The following PAFAH1B1 variants were observed in gnomAD, a reference collection of about 807,000 sequenced individuals.
PAFAH1B1 encodes platelet activating factor acetylhydrolase 1b regulatory subunit 1.
In PAFAH1B1, 2 loss-of-function variants were observed where a neutral mutation model predicts 57.5. The observed-to-expected ratio is 0.03, with a 90% confidence interval of 0.01 to 0.11. PAFAH1B1 has a LOEUF of 0.11. Ranked by LOEUF, PAFAH1B1 falls within the 10% of genes least tolerant of loss-of-function variation. PAFAH1B1 has a pLI of 1.00. For missense variants in PAFAH1B1, 257 were observed against 512.0 expected (o/e 0.50, Z 4.81); for synonymous variants, 152 against 169.6 (o/e 0.90, Z 0.81).
At chr17:2,643,909 C>A (rs1259858765) in intron 2 of PAFAH1B1, among the ~76,000 whole-genome samples, 1 of 152,112 alleles carries the variant, frequency 6.6e-6, no homozygotes, top group Non-Finnish European at 1.5e-5. Flanking sequence ...ACCCCTTTCG[C>A]CCAGGCTGGA....
chr17:2,666,774 C>T (rs2069111236), intron 4 of PAFAH1B1, among the ~76,000 whole-genome samples: 1 of 152,192 alleles, frequency 6.6e-6, no homozygotes, highest in East Asian at 1.9e-4. Flanking sequence ...GGCAATTGTA[C>T]TGAATTTTTC....
rs188848621 is a variant in PAFAH1B1, at chr17:2,622,669, C to T, written c.-190-15430C>T. Among the ~76,000 whole-genome samples, 373 of 152,268 alleles carry T rather than the reference C, an allele frequency of 2.4e-3. 1 individual carries two copies. Among genetic ancestry groups the T allele is most frequent in the African/African-American group, 7.9e-3 (330 of 41,552 alleles). ...TTTTCCAGGCGACAGTGCAAGCTGTCGGTGGATCTACCATTCTGGGGTCTG... is the reference window on the plus strand; with the variant it reads ...TTTTCCAGGCGACAGTGCAAGCTGTTGGTGGATCTACCATTCTGGGGTCTG... On this transcript the variant is annotated intron_variant, in intron 1 of 10. Coordinates refer to ENST00000397195, the MANE Select transcript of PAFAH1B1 (RefSeq NM_000430.4).
chr17:2,599,365 T>G (rs2068115381), intron 1 of PAFAH1B1, among the ~76,000 whole-genome samples: 6 of 152,222 alleles, frequency 3.9e-5, no homozygotes. Context: ...ATTGGACTCC[T>G]TAATCTTTGT....
chr17:2,640,375 C>CTTTTTTTTTTTTTTTTT (rs34267097), intron 2 of PAFAH1B1: 1 of 108,772 alleles, frequency 9.2e-6, no homozygotes. Context: ...CAGCTTTTGT[C>CTTTTTTTTTTTTTTTTT]TTTTTTTTTT....
At chr17:2,680,082 G>A (rs2151673720) in intron 9 of PAFAH1B1, 82 bp from the exon 10 acceptor site, 1 of 1,221,056 alleles carries the variant, frequency 8.2e-7, no homozygotes, top group Admixed American at 1.7e-5. Context: ...TTTTTGGTAT[G>A]TATAGTTTTA....
chr17:2,679,278 G>C (rs564353806), intron 9 of PAFAH1B1, among the ~76,000 whole-genome samples: 2 of 152,350 alleles, frequency 1.3e-5, no homozygotes, highest in East Asian at 3.9e-4. Flanking sequence ...CTCTGGGCAT[G>C]TCCTTAAAGA....
At chr17:2,596,908 A>T (rs2068089052) in intron 1 of PAFAH1B1, among the ~76,000 whole-genome samples, 1 of 152,108 alleles carries the variant, frequency 6.6e-6, no homozygotes, top group South Asian at 2.1e-4. Flanking sequence ...AAAATACAAA[A>T]AAATTAGCCA....
chr17:2,595,593 A>G (rs1431568179), intron 1 of PAFAH1B1, among the ~76,000 whole-genome samples: 4 of 152,130 alleles, frequency 2.6e-5, no homozygotes, highest in South Asian at 4.1e-4. Flanking sequence ...TTAATCTCTA[A>G]TGGGTGTCTT....
intron 1 of PAFAH1B1, among the ~76,000 whole-genome samples, chr17:2,615,611 T>C (rs2068329615): frequency 6.6e-6 from 1 of 151,990 alleles, no homozygotes; most frequent in African/African-American, 2.4e-5. Flanking sequence ...TGGCTAATTT[T>C]TCTATTTTTA....
intron 1 of PAFAH1B1, chr17:2,613,452 G>T: frequency 4.1e-6 from 1 of 241,192 alleles, no homozygotes; most frequent in African/African-American, 2.3e-5. Flanking sequence ...TCTGGGGCCC[G>T]CAGTGTTGGT....
rs1384816702 is a variant in PAFAH1B1 at position 2,667,180 on chromosome 17, A to G, written c.381A>G (p.Ser127=). 6.2e-7 allele frequency: 1 copy of G among 1,613,366 alleles called. No homozygotes were observed. The highest frequency in any genetic ancestry group is 8.5e-7 in the Non-Finnish European group (1 of 1,179,318). The change falls in exon 5 of 11, where the codon TCA becomes TCG. Residue 127 remains serine (S), a synonymous_variant. Coordinates refer to ENST00000397195, the MANE Select transcript of PAFAH1B1 (RefSeq NM_000430.4). ...TGTTCAGTGTTATGGTCTCTGCTTC[A>G]GAGGATGCTACAATTAAGGTAATTT... ...HPVFSVMVSA[S]EDATIKVWDY... is the part of the protein sequence containing the mutation.
chr17:2,616,024 C>T (rs748577445), intron 1 of PAFAH1B1, among the ~76,000 whole-genome samples: 57 of 152,222 alleles, frequency 3.7e-4, no homozygotes, highest in Middle Eastern at 6.8e-3. Flanking sequence ...AAGAAAGCAA[C>T]GACGAAACAA....
intron 1 of PAFAH1B1, among the ~76,000 whole-genome samples, chr17:2,628,573 G>A (rs764553082): frequency 3.3e-5 from 5 of 151,954 alleles, no homozygotes; most frequent in African/African-American, 4.8e-5. Flanking sequence ...TCCTTTCCTG[G>A]TTTTGGTATT....
Position 2,621,605 on chromosome 17 carries a change from GTCTTTT to G in PAFAH1B1, c.-190-16492_-190-16487del, listed in dbSNP as rs1182744672. Among the ~76,000 whole-genome samples, 232 of 93,192 alleles carry G rather than the reference GTCTTTT, an allele frequency of 2.5e-3. 49 individuals carry two copies. The highest frequency in any genetic ancestry group is 3.6e-3 in the African/African-American group (77 of 21,340). The allele number at this position is 93,192 out of a possible 152,430, so 61.1% of individuals were successfully genotyped here. Reference sequence around the variant, plus strand: ...GCTATTCAAGCATGGTAGATAATCTGTCTTTTTTTTTTTTTTTTTTTTTTTTTTTTT... The same window carrying G: ...GCTATTCAAGCATGGTAGATAATCTGTTTTTTTTTTTTTTTTTTTTTTTTT... On this transcript the variant is annotated intron_variant, in intron 1 of 10. Coordinates refer to ENST00000397195, the MANE Select transcript of PAFAH1B1 (RefSeq NM_000430.4).
At chr17:2,628,062 C>G (rs1429572534) in intron 1 of PAFAH1B1, among the ~76,000 whole-genome samples, 2 of 152,138 alleles carry the variant, frequency 1.3e-5, no homozygotes, top group East Asian at 3.8e-4. Flanking sequence ...ACTTGGATGC[C>G]CTTTATTTCT....
intron 8 of PAFAH1B1, among the ~76,000 whole-genome samples, chr17:2,675,612 G>A (rs567031100): frequency 6.6e-6 from 1 of 150,644 alleles, no homozygotes; most frequent in South Asian, 2.1e-4. Flanking sequence ...GCAACATAGC[G>A]AGACCCCGTC....
intron 1 of PAFAH1B1, chr17:2,635,444 G>A (rs1172412177): frequency 6.6e-6 from 1 of 152,114 alleles, no homozygotes; most frequent in African/African-American, 2.4e-5. Context: ...GTTCACTGCA[G>A]CCTTGACCTC....
At chr17:2,665,940 C>T (rs2069101565) in intron 3 of PAFAH1B1, 76 bp from the exon 4 acceptor site, 4 of 1,306,302 alleles carry the variant, frequency 3.1e-6, no homozygotes, top group Admixed American at 2.6e-5. Context: ...AATATTTGGA[C>T]TTAAAGATGA....
At chr17:2,596,590 T>C (rs1210812842) in intron 1 of PAFAH1B1, among the ~76,000 whole-genome samples, 3 of 152,322 alleles carry the variant, frequency 2.0e-5, no homozygotes, top group African/African-American at 7.2e-5. Flanking sequence ...AATGTGACTT[T>C]GATTAGCCTT....
Sources: allele counts gnomAD v4.1 joint callset (sites outside exome capture counted in the v4.1 genomes callset), GRCh38; gene constraint gnomAD v4.1.1; transcripts MANE v1.5; gene names NCBI Gene and HGNC (gene_info 2026-07-23, HGNC 2026-07-21).